Variants in PAX5 observed in about 807,000 individuals in gnomAD.
PAX5 encodes the protein paired box protein Pax-5.
A neutral mutation model predicts 43.7 loss-of-function variants in PAX5; 9 were observed. The ratio of observed to expected loss-of-function variants is 0.21; its 90% CI spans 0.12 to 0.36. The LOEUF is 0.36. Among genes scored for constraint, PAX5 ranks in the 10% least tolerant of loss-of-function variants. The pLI, the probability that PAX5 is intolerant of heterozygous loss-of-function variation, is 1.00. For synonymous variants in PAX5, 228 were observed against 214.3 expected (o/e 1.06, Z -0.56); for missense variants, 383 against 532.7 (o/e 0.72, Z 2.77).
rs544637587 is a variant in PAX5 at position 36,847,712 on chromosome 9, C to T, written c.1013-783G>A. ...GAGCATTGTGGGGCATGGTGGGACC[C>T]GAACATGGTTCACTCAGGCCAGGTG... is the stretch of plus-strand genomic sequence containing the variant. On this transcript the variant is annotated intron_variant, in intron 8 of 9. Transcript: ENST00000358127. Among the ~76,000 whole-genome samples the T allele has an allele frequency of 2.3e-3, 348 of 152,226 alleles. 3 individuals carry two copies. Among genetic ancestry groups the T allele is most frequent in the Non-Finnish European group, 3.1e-3 (213 of 67,988 alleles).
chr9:36,846,850 C>G lies in PAX5; in HGVS notation c.1092G>C (p.Gly364=), dbSNP rs751071036. The change falls in exon 9 of 10, where the codon GGG becomes GGC. Residue 364 remains glycine, a synonymous_variant. Coordinates refer to ENST00000358127, the MANE Select transcript of PAX5 (RefSeq NM_016734.3). ...YNDSWRFPNP[G]LLGSPYYYSA... ...GCCTCCGCCAGTACTCACCAAGCAG[C>G]CCCGGGTTGGGGAACCTCCAGGAGT... 6.2e-7 allele frequency: 1 copy of G among 1,613,632 alleles called. No homozygotes were observed. The highest frequency in any genetic ancestry group is 2.2e-5 in the East Asian group (1 of 44,886).
At chr9:36,933,553 T>A (rs969692476) in intron 6 of PAX5, among the ~76,000 whole-genome samples, 8 of 152,056 alleles carry the variant, frequency 5.3e-5, no homozygotes, top group African/African-American at 1.9e-4. Context: ...GCAGCACTGG[T>A]CCCCTACCTG....
At chr9:37,024,280 A>G (rs773479212) in intron 1 of PAX5, among the ~76,000 whole-genome samples, 1 of 151,158 alleles carries the variant, frequency 6.6e-6, no homozygotes. Flanking sequence ...GTGGGTGGGG[A>G]CTCCTCCAAA....
In PAX5 at chr9:36,981,911, T is replaced by C. The variant is rs549299952; in HGVS notation, c.605-15187A>G. Among the ~76,000 whole-genome samples the C allele has an allele frequency of 5.9e-5, 9 of 152,324 alleles. No individual in the cohort carries two copies. The South Asian group carries it at 1.9e-3, about 32-fold the overall frequency. On this transcript the variant is annotated intron_variant, in intron 5 of 9. Transcript: ENST00000358127. ...GAGTGCTGTCTGCACAGTGAGCACC[T>C]CCTAAGAGTCAATAAGGACTGAGAG...
At chr9:36,888,125 A>G (rs1041423750) in intron 7 of PAX5, among the ~76,000 whole-genome samples, 15 of 152,252 alleles carry the variant, frequency 9.9e-5, no homozygotes, top group Non-Finnish European at 2.2e-4. Context: ...ACATATTGTC[A>G]CAATCATTGG....
chr9:36,992,619 C>T (rs995355804), intron 5 of PAX5, among the ~76,000 whole-genome samples: 6 of 152,210 alleles, frequency 3.9e-5, no homozygotes, highest in South Asian at 2.1e-4. Context: ...ATATCCCAAT[C>T]GGCTAGTGGA....
chr9:36,999,106 TCC>T (rs1326270375), intron 5 of PAX5, among the ~76,000 whole-genome samples: 6 of 152,148 alleles, frequency 3.9e-5, no homozygotes, highest in African/African-American at 1.2e-4. Context: ...CAAAACTATC[TCC>T]CTAAATGCTT....
chr9:36,864,502 A>G (rs1329300783), intron 8 of PAX5, among the ~76,000 whole-genome samples: 1 of 152,212 alleles, frequency 6.6e-6, no homozygotes, highest in Non-Finnish European at 1.5e-5. Flanking sequence ...CAGAGTCCTC[A>G]TGGGGCCACT....
intron 8 of PAX5, among the ~76,000 whole-genome samples, chr9:36,851,012 G>A (rs767927546): frequency 6.6e-6 from 1 of 152,236 alleles, no homozygotes; most frequent in Non-Finnish European, 1.5e-5. Flanking sequence ...AGGCATTCCT[G>A]CGGCGGGGCT....
At chr9:36,917,272 G>C (rs1427434179) in intron 7 of PAX5, among the ~76,000 whole-genome samples, 4 of 152,080 alleles carry the variant, frequency 2.6e-5, no homozygotes, top group Admixed American at 6.5e-5. Flanking sequence ...CCACTGAGCT[G>C]GTTCTTAGCA....
chr9:37,011,987 A>G (rs1838972185), intron 3 of PAX5, among the ~76,000 whole-genome samples: 2 of 152,314 alleles, frequency 1.3e-5, no homozygotes. Flanking sequence ...ATAAAACTGT[A>G]TGCTGGGATG....
chr9:37,027,643 G>C (rs1564093679), intron 1 of PAX5, among the ~76,000 whole-genome samples: 1 of 152,150 alleles, frequency 6.6e-6, no homozygotes, highest in African/African-American at 2.4e-5. Context: ...CCGCCTGCTC[G>C]GCGCGCACAG....
intron 7 of PAX5, among the ~76,000 whole-genome samples, chr9:36,898,041 T>A (rs185212270): frequency 5.4e-4 from 83 of 152,298 alleles, no homozygotes; most frequent in Non-Finnish European, 9.3e-4. Context: ...TGCTTTACAA[T>A]CCTGAAAATG....
rs563426543 is a variant in PAX5, at chr9:36,833,651, T to C, written c.*6909A>G. 1.3e-5 allele frequency: 3 copies of C among 233,094 alleles called. No individual in the cohort carries two copies. The highest frequency in any genetic ancestry group is 3.6e-4 in the South Asian group (2 of 5,526). 14.4% of individuals were successfully genotyped at this position (233,094 alleles called of 1,614,324 possible). ...TTTGGCAAATTGGCACTGCTGTAAT[T>C]ACATTCAAATATTATTACACACAAA... On this transcript the variant is annotated 3_prime_UTR_variant, in exon 10 of 10. Coordinates refer to ENST00000358127, the MANE Select transcript of PAX5 (RefSeq NM_016734.3).
intron 6 of PAX5, among the ~76,000 whole-genome samples, chr9:36,953,188 T>C (rs1294220151): frequency 6.6e-6 from 1 of 152,220 alleles, no homozygotes; most frequent in African/African-American, 2.4e-5. Context: ...GTATGCATGG[T>C]TTCTGACAAG....
intron 6 of PAX5, among the ~76,000 whole-genome samples, chr9:36,932,799 A>T (rs907032913): frequency 2.6e-5 from 4 of 152,080 alleles, no homozygotes; most frequent in Non-Finnish European, 5.9e-5. Flanking sequence ...AATTGTCATG[A>T]GTTGAATCTG....
intron 5 of PAX5, among the ~76,000 whole-genome samples, chr9:36,983,551 T>C (rs959640001): frequency 2.6e-5 from 4 of 152,246 alleles, no homozygotes. Context: ...CTAAATTTCA[T>C]TTTAGGATAG....
chr9:36,912,473 A>T (rs1213336601), intron 7 of PAX5, among the ~76,000 whole-genome samples: 1 of 152,196 alleles, frequency 6.6e-6, no homozygotes, highest in African/African-American at 2.4e-5. Context: ...GACATTCTCA[A>T]CTGCACACTG....
intron 3 of PAX5, among the ~76,000 whole-genome samples, chr9:37,011,801 A>G (rs558123989): frequency 3.3e-5 from 5 of 152,286 alleles, no homozygotes; most frequent in Admixed American, 3.3e-4. Flanking sequence ...AATAGCCACA[A>G]ATCCAGCCAT....
Sources: allele counts gnomAD v4.1 joint callset (sites outside exome capture counted in the v4.1 genomes callset), GRCh38; gene constraint gnomAD v4.1.1; transcripts MANE v1.5; gene names NCBI Gene and HGNC (gene_info 2026-07-23, HGNC 2026-07-21).